SLC35F3: variants seen among roughly 807,000 people sequenced by gnomAD.
The protein encoded by SLC35F3 is putative thiamine transporter SLC35F3.
SLC35F3 carries 25 observed loss-of-function variants against 49.9 expected under a neutral mutation model. That is an observed-to-expected ratio of 0.50 (90% CI 0.37 to 0.70). The LOEUF is 0.70. Ranked by LOEUF, SLC35F3 falls within the 30% of genes least tolerant of loss-of-function variation. SLC35F3 has a pLI of 0.00. For missense variants in SLC35F3, 525 were observed against 639.8 expected, an observed-to-expected ratio of 0.82 and a Z score of 1.94; for synonymous variants, 275 against 265.4, an observed-to-expected ratio of 1.04 and a Z score of -0.35.
intron 2 of SLC35F3, among the ~76,000 whole-genome samples, chr1:234,164,318 C>A (rs1666279036): frequency 6.6e-6 from 1 of 151,300 alleles, no homozygotes; most frequent in South Asian, 2.1e-4. Flanking sequence ...CTCTTTCTCT[C>A]TCCCTATCTC....
chr1:234,322,690 AT>A (rs1173465505), intron 7 of SLC35F3, among the ~76,000 whole-genome samples: 7 of 134,772 alleles, frequency 5.2e-5, no homozygotes, highest in Non-Finnish European at 1.1e-4. Context: ...TGTGTGTACT[AT>A]CTATCTCTCA....
At position 234,288,511 on chromosome 1, in the gene SLC35F3, C is replaced by T. The variant is rs150751169; in HGVS notation, c.609-20590C>T. On this transcript the variant is annotated intron_variant, in intron 3 of 7. Transcript: ENST00000366618. ...TATGAAGGATGTTTTTAGTCTATGT[C>T]TGTTGGCAGCATGAGAGATTAGACT... Among the ~76,000 whole-genome samples the T allele has an allele frequency of 9.8e-5, 15 of 152,290 alleles. No individual in the cohort carries two copies. The East Asian group carries it at 2.9e-3, about 29-fold the overall frequency.
intron 3 of SLC35F3, among the ~76,000 whole-genome samples, chr1:234,276,641 A>T (rs1331257466): frequency 1.3e-5 from 2 of 152,156 alleles, no homozygotes; most frequent in African/African-American, 4.8e-5. Flanking sequence ...AACAAGGAGG[A>T]TTATGCACAG....
chr1:234,237,103 G>A (rs181754460), intron 3 of SLC35F3, among the ~76,000 whole-genome samples: 89 of 151,628 alleles, frequency 5.9e-4, no homozygotes, highest in Non-Finnish European at 9.7e-4. Context: ...TCAAGGAGTT[G>A]GGGCTTTATT....
intron 2 of SLC35F3, among the ~76,000 whole-genome samples, chr1:233,928,281 G>T (rs1200877120): frequency 6.6e-6 from 1 of 152,172 alleles, no homozygotes; most frequent in African/African-American, 2.4e-5. Context: ...TCTGTAAGAG[G>T]TAATTTATCA....
Position 233,971,580 on chromosome 1 carries a change from G to A in SLC35F3, c.283+65822G>A, listed in dbSNP as rs142687634. On this transcript the variant is annotated intron_variant, in intron 2 of 7. Transcript: ENST00000366618. ...ACTAAGAATACAAAAATTAGCCAGCGTGGTGGTGGTAGCCTGTAATCCCAG... is the reference window on the plus strand; with the variant it reads ...ACTAAGAATACAAAAATTAGCCAGCATGGTGGTGGTAGCCTGTAATCCCAG... Among the ~76,000 whole-genome samples, 314 of 152,198 alleles carry A rather than the reference G, an allele frequency of 2.1e-3. 2 individuals carry two copies. The highest frequency in any genetic ancestry group is 7.2e-3 in the African/African-American group (297 of 41,528).
intron 2 of SLC35F3, among the ~76,000 whole-genome samples, chr1:234,184,598 C>G (rs1666606869): frequency 6.6e-6 from 1 of 152,162 alleles, no homozygotes; most frequent in African/African-American, 2.4e-5. Flanking sequence ...CGTGGGAATG[C>G]TGCCGCAGGC....
intron 2 of SLC35F3, among the ~76,000 whole-genome samples, chr1:234,111,568 C>T (rs1212700828): frequency 2.0e-5 from 3 of 152,250 alleles, no homozygotes; most frequent in Non-Finnish European, 1.5e-5. Flanking sequence ...GCTCGGATTA[C>T]AGGCGTGAGC....
At chr1:234,089,601 A>C (rs956714409) in intron 2 of SLC35F3, among the ~76,000 whole-genome samples, 1 of 152,256 alleles carries the variant, frequency 6.6e-6, no homozygotes, top group African/African-American at 2.4e-5. Flanking sequence ...CAGAAAGCAC[A>C]TGAGCAGGGA....
intron 2 of SLC35F3, among the ~76,000 whole-genome samples, chr1:234,161,223 C>T (rs1205417045): frequency 1.3e-5 from 2 of 152,224 alleles, no homozygotes. Flanking sequence ...TCACTTATCT[C>T]ACAATGGCCT....
intron 2 of SLC35F3, among the ~76,000 whole-genome samples, chr1:234,219,720 C>A (rs561865709): frequency 6.6e-6 from 1 of 152,288 alleles, no homozygotes; most frequent in South Asian, 2.1e-4. Flanking sequence ...CCTGATCTGA[C>A]AGGATACTCT....
chr1:234,193,640 C>T (rs544716042), intron 2 of SLC35F3, among the ~76,000 whole-genome samples: 15 of 152,290 alleles, frequency 9.8e-5, no homozygotes, highest in African/African-American at 3.6e-4. Context: ...AAGGAAGAGT[C>T]AGCAGAGTAA....
In SLC35F3 at chr1:234,190,911, A is replaced by G. The variant is rs185669540; in HGVS notation, c.284-40506A>G. Among the ~76,000 whole-genome samples the G allele has an allele frequency of 2.2e-3, 339 of 152,040 alleles. 2 individuals carry two copies. Among genetic ancestry groups the G allele is most frequent in the African/African-American group, 7.9e-3 (325 of 41,302 alleles). On this transcript the variant is annotated intron_variant, in intron 2 of 7. Transcript: ENST00000366618. ...ATGGTAACAAAAAACAAAAGTAACT[A>G]TTTTAAGGAAAGGCTAGCATGGGGA...
intron 2 of SLC35F3, among the ~76,000 whole-genome samples, chr1:234,138,054 A>G (rs1040243424): frequency 1.3e-5 from 2 of 152,136 alleles, no homozygotes; most frequent in Non-Finnish European, 2.9e-5. Flanking sequence ...GAGTTGAAGC[A>G]TTTGCTGCTT....
At chr1:234,052,808 C>A (rs369975269) in intron 2 of SLC35F3, among the ~76,000 whole-genome samples, 5 of 152,090 alleles carry the variant, frequency 3.3e-5, no homozygotes, top group African/African-American at 7.2e-5. Flanking sequence ...CACTGCTTTA[C>A]ATGTGTCCCA....
chr1:234,118,861 A>G (rs1039239212), intron 2 of SLC35F3, among the ~76,000 whole-genome samples: 2 of 151,310 alleles, frequency 1.3e-5, no homozygotes, highest in Admixed American at 1.3e-4. Flanking sequence ...AAATAAGCAA[A>G]TTATTTTTTT....
intron 2 of SLC35F3, among the ~76,000 whole-genome samples, chr1:234,090,750 C>T (rs1188033213): frequency 6.6e-6 from 1 of 152,180 alleles, no homozygotes; most frequent in African/African-American, 2.4e-5. Context: ...TCAGTGGTCT[C>T]AACCAGCTTG....
chr1:234,198,969 G>T (rs577381001), intron 2 of SLC35F3, among the ~76,000 whole-genome samples: 3 of 151,458 alleles, frequency 2.0e-5, no homozygotes, highest in Non-Finnish European at 4.4e-5. Flanking sequence ...CTATAATCCC[G>T]GAACATTGGG....
In SLC35F3 at chr1:233,940,369, C is replaced by CACAG. The variant is rs1275705770; in HGVS notation, c.283+34612_283+34613insCAGA. Reference sequence around the variant, plus strand: ...GGATACAGACACACACACACACACACAGAGAGAGAGAGAGAGAGAGAGAGA... The same window carrying CACAG: ...GGATACAGACACACACACACACACACACAGAGAGAGAGAGAGAGAGAGAGAGAGA... On this transcript the variant is annotated intron_variant, in intron 2 of 7. Coordinates refer to ENST00000366618, the MANE Select transcript of SLC35F3 (RefSeq NM_173508.4). 7.3e-3 allele frequency among the ~76,000 whole-genome samples: 1,077 copies of CACAG among 146,954 alleles called. 7 individuals are homozygous for CACAG. The highest frequency in any genetic ancestry group is 0.026 in the African/African-American group (1,034 of 39,694).
Sources: allele counts gnomAD v4.1 joint callset (sites outside exome capture counted in the v4.1 genomes callset), GRCh38; gene constraint gnomAD v4.1.1; transcripts MANE v1.5; gene names NCBI Gene and HGNC (gene_info 2026-07-23, HGNC 2026-07-21).